Variants in TMEM108 observed in about 807,000 individuals in gnomAD.
TMEM108 encodes transmembrane protein 108, also known as cancer/testis antigen 124.
TMEM108 carries 12 observed loss-of-function variants against 35.1 expected under a neutral mutation model. The ratio of observed to expected loss-of-function variants is 0.34; its 90% CI spans 0.22 to 0.55. The LOEUF (loss-of-function observed/expected upper bound fraction) is 0.55, where lower values mean the gene tolerates loss of function less well. Among genes scored for constraint, TMEM108 ranks in the 20% least tolerant of loss-of-function variants. The probability of loss-of-function intolerance (pLI) is 0.89; values close to 1 mark genes in which losing one functional copy is unlikely to be tolerated. For synonymous variants in TMEM108, 287 were observed against 308.6 expected (o/e 0.93, Z 0.73); for missense variants, 680 against 753.3 (o/e 0.90, Z 1.14).
Position 133,396,982 on chromosome 3 carries a change from A to G in TMEM108, c.*996A>G, listed in dbSNP as rs2073314308. On this transcript the variant is annotated 3_prime_UTR_variant, in exon 6 of 6. Transcript: ENST00000321871. ...AAAAAAGAAAAAAAAGATTGCCCAA[A>G]CAAATCATTTGGGAGAAGACATCAT... The G allele has an allele frequency of 6.6e-6, 1 of 152,152 alleles. No individual in the cohort carries two copies. The highest frequency in any genetic ancestry group is 1.5e-5 in the Non-Finnish European group (1 of 68,024). The allele number at this position is 152,152 out of a possible 1,614,324, so 9.4% of individuals were successfully genotyped here.
intron 3 of TMEM108, among the ~76,000 whole-genome samples, chr3:133,336,392 C>T (rs763769343): frequency 3.4e-4 from 52 of 152,100 alleles, no homozygotes; most frequent in Non-Finnish European, 6.0e-4. Context: ...CTCTTGGATA[C>T]CAGCTCATCA....
intron 5 of TMEM108, among the ~76,000 whole-genome samples, chr3:133,394,185 C>A (rs771684704): frequency 1.3e-5 from 2 of 152,212 alleles, no homozygotes; most frequent in Admixed American, 6.5e-5. Flanking sequence ...TCATAAGGTC[C>A]CAGTTCATAT....
chr3:133,258,128 G>A (rs570254288), intron 3 of TMEM108, among the ~76,000 whole-genome samples: 3 of 152,232 alleles, frequency 2.0e-5, no homozygotes, highest in East Asian at 1.9e-4. Flanking sequence ...TGGATCCCTC[G>A]TGAATGGGAT....
intron 4 of TMEM108, chr3:133,386,640 G>A: frequency 7.1e-7 from 1 of 1,417,712 alleles, no homozygotes; most frequent in Non-Finnish European, 9.2e-7. Context: ...CCAGAGTCTT[G>A]ATGGCTACTG....
chr3:133,279,905 A>G (rs76789674), intron 3 of TMEM108, among the ~76,000 whole-genome samples: 2,171 of 152,312 alleles, frequency 0.014, 62 homozygotes, highest in African/African-American at 0.05. Context: ...AGATACTAAA[A>G]TGTGTAATTA....
At chr3:133,353,195 C>T (rs2072059139) in intron 3 of TMEM108, among the ~76,000 whole-genome samples, 1 of 152,198 alleles carries the variant, frequency 6.6e-6, no homozygotes, top group South Asian at 2.1e-4. Context: ...TGGAGGAGAT[C>T]CTTTCCCAAA....
rs141502104 is a variant in TMEM108 at position 133,304,781 on chromosome 3, T to C, written c.41-74971T>C. 1.8e-3 allele frequency among the ~76,000 whole-genome samples: 273 copies of C among 152,270 alleles called. 1 individual carries two copies. The highest frequency in any genetic ancestry group is 2.9e-3 in the Non-Finnish European group (198 of 68,020). ...AAATTTGGATTGTGTCCAGTTTTTG[T>C]CTGTTAACAATAATGTTAGGCCTGG... On this transcript the variant is annotated intron_variant, in intron 3 of 5. Coordinates refer to ENST00000321871, the MANE Select transcript of TMEM108 (RefSeq NM_023943.4).
At chr3:133,078,100 C>T (rs1484696954) in intron 2 of TMEM108, among the ~76,000 whole-genome samples, 1 of 146,654 alleles carries the variant, frequency 6.8e-6, no homozygotes, top group Admixed American at 7.0e-5. Flanking sequence ...GCTGTCTCAC[C>T]TGCATGTTTT....
chr3:133,282,341 T>C (rs1451892467), intron 3 of TMEM108, among the ~76,000 whole-genome samples: 1 of 152,222 alleles, frequency 6.6e-6, no homozygotes, highest in African/African-American at 2.4e-5. Context: ...AAAACGGCTT[T>C]ACAAGGCTCT....
intron 2 of TMEM108, among the ~76,000 whole-genome samples, chr3:133,155,221 G>T (rs1447849738): frequency 1.3e-5 from 2 of 152,032 alleles, no homozygotes; most frequent in African/African-American, 4.8e-5. Flanking sequence ...GTATTCCATG[G>T]TGTGTATATA....
At chr3:133,368,188 C>CCAAGTGTTCTGGAGA (rs11276649) in intron 3 of TMEM108, among the ~76,000 whole-genome samples, 1 of 151,606 alleles carries the variant, frequency 6.6e-6, no homozygotes, top group Non-Finnish European at 1.5e-5. Flanking sequence ...TTTATAGGAG[C>CCAAGTGTTCTGGAGA]CACCACTGCA....
chr3:133,272,312 T>TGTGTG (rs1553755045), intron 3 of TMEM108, among the ~76,000 whole-genome samples: 10 of 141,812 alleles, frequency 7.1e-5, no homozygotes, highest in Admixed American at 1.4e-4. Flanking sequence ...TGTGTGTGTG[T>TGTGTG]TTCCTAAAGG....
chr3:133,076,468 A>G (rs1943744433), intron 2 of TMEM108, among the ~76,000 whole-genome samples: 1 of 152,100 alleles, frequency 6.6e-6, no homozygotes, highest in Non-Finnish European at 1.5e-5. Context: ...CTGTAACATG[A>G]TGTTGGAGAT....
At chr3:133,340,047 A>G (rs1466904077) in intron 3 of TMEM108, among the ~76,000 whole-genome samples, 1 of 151,746 alleles carries the variant, frequency 6.6e-6, no homozygotes, top group African/African-American at 2.4e-5. Context: ...AAGAACTAGA[A>G]GAGCAAGAGG....
intron 3 of TMEM108, among the ~76,000 whole-genome samples, chr3:133,269,426 C>A (rs1268771551): frequency 6.6e-6 from 1 of 152,180 alleles, no homozygotes; most frequent in Non-Finnish European, 1.5e-5. Context: ...CCATTCTTCT[C>A]CAGGCATGAA....
At chr3:133,374,715 G>C (rs577962221) in intron 3 of TMEM108, among the ~76,000 whole-genome samples, 1 of 152,040 alleles carries the variant, frequency 6.6e-6, no homozygotes, top group African/African-American at 2.4e-5. Flanking sequence ...AAGCTCCCCC[G>C]GTTACTTGCA....
chr3:133,262,999 T>A (rs1946645407), intron 3 of TMEM108, among the ~76,000 whole-genome samples: 1 of 152,200 alleles, frequency 6.6e-6, no homozygotes, highest in Admixed American at 6.5e-5. Flanking sequence ...ACTTGTGTAT[T>A]TTTGGAAGCT....
chr3:133,221,974 A>G (rs1292217692), intron 2 of TMEM108, among the ~76,000 whole-genome samples: 1 of 152,178 alleles, frequency 6.6e-6, no homozygotes, highest in Non-Finnish European at 1.5e-5. Flanking sequence ...TTATAGTATT[A>G]GAGTATTCTG....
intron 3 of TMEM108, among the ~76,000 whole-genome samples, chr3:133,289,373 G>A (rs1205786975): frequency 6.6e-6 from 1 of 152,218 alleles, no homozygotes; most frequent in African/African-American, 2.4e-5. Context: ...TCAAGGTTAT[G>A]AAACAGCACC....
Sources: gnomAD v4.1 joint callset for allele counts (sites outside exome capture counted in the v4.1 genomes callset) on GRCh38, gnomAD v4.1.1 for gene constraint, MANE v1.5 for transcripts, NCBI Gene and HGNC (gene_info 2026-07-23, HGNC 2026-07-21) for gene names.